Variants in DIAPH2 observed in about 807,000 individuals in gnomAD.
The protein encoded by DIAPH2 is protein diaphanous homolog 2.
A neutral mutation model predicts 92.7 loss-of-function variants in DIAPH2; 35 were observed. The observed-to-expected ratio is 0.38, with a 90% CI of 0.29 to 0.50. The LOEUF is 0.50. Ranked by LOEUF, DIAPH2 falls within the 20% of genes least tolerant of loss-of-function variation. DIAPH2 has a pLI of 0.94. For synonymous variants in DIAPH2, 301 were observed against 280.4 expected, an observed-to-expected ratio of 1.07 and a Z score of -0.73; for missense variants, 701 against 819.5, an observed-to-expected ratio of 0.86 and a Z score of 1.77.
At chrX:97,586,115 TA>T (rs1356607461) in intron 26 of DIAPH2, among the ~76,000 whole-genome samples, 1 of 111,877 alleles carries the variant, frequency 8.9e-6, no homozygotes, top group Non-Finnish European at 1.9e-5. Flanking sequence ...TACCATCTAT[TA>T]CCCAAATCTC....
chrX:96,891,467 C>T (rs2065306506), intron 5 of DIAPH2, among the ~76,000 whole-genome samples: 1 of 111,960 alleles, frequency 8.9e-6, no homozygotes, highest in African/African-American at 3.2e-5. Context: ...GATTTTTGTT[C>T]ATATCTCTTT....
intron 5 of DIAPH2, among the ~76,000 whole-genome samples, chrX:96,900,518 A>T (rs1391364816): frequency 9.0e-6 from 1 of 111,497 alleles, no homozygotes; most frequent in African/African-American, 3.3e-5. Flanking sequence ...TTAAATAGAA[A>T]TGGTGAAAGT....
chrX:96,817,447 C>A (rs1054012985), intron 4 of DIAPH2, among the ~76,000 whole-genome samples: 3 of 111,595 alleles, frequency 2.7e-5, no homozygotes, highest in Admixed American at 9.5e-5. Context: ...TTGTGAGTTT[C>A]CAAATCATCA....
intron 23 of DIAPH2, among the ~76,000 whole-genome samples, chrX:97,310,735 G>A (rs2068786518): frequency 9.0e-6 from 1 of 111,570 alleles, no homozygotes; most frequent in South Asian, 3.7e-4. Context: ...CGGGTGTGGT[G>A]GGGTGGCTCG....
At chrX:96,820,313 T>C (rs781108988) in intron 4 of DIAPH2, among the ~76,000 whole-genome samples, 14 of 110,973 alleles carry the variant, frequency 1.3e-4, no homozygotes, top group Non-Finnish European at 2.6e-4. Flanking sequence ...CTACTGAAAA[T>C]ACAGAAATTA....
At chrX:96,869,647 T>G (rs1309440349) in intron 4 of DIAPH2, among the ~76,000 whole-genome samples, 2 of 110,400 alleles carry the variant, frequency 1.8e-5, no homozygotes, top group Non-Finnish European at 3.8e-5. Flanking sequence ...TCAGACCTAG[T>G]GGCAGGTCTT....
intron 7 of DIAPH2, among the ~76,000 whole-genome samples, chrX:96,914,969 T>TA (rs1053681700): frequency 5.4e-5 from 6 of 111,152 alleles, no homozygotes; most frequent in African/African-American, 2.0e-4. Context: ...CAAAATGACT[T>TA]ACACATCAAA....
At chrX:97,476,984 T>TAA (rs1280074551) in intron 26 of DIAPH2, among the ~76,000 whole-genome samples, 1 of 57,070 alleles carries the variant, frequency 1.8e-5, no homozygotes, top group Admixed American at 2.4e-4. Flanking sequence ...TATATATATA[T>TAA]ACACACACAC....
intron 4 of DIAPH2, among the ~76,000 whole-genome samples, chrX:96,848,751 G>A (rs961163550): frequency 1.8e-4 from 20 of 112,245 alleles, no homozygotes; most frequent in African/African-American, 6.1e-4. Flanking sequence ...TTTCATGTCT[G>A]CATTACTGAT....
intron 22 of DIAPH2, among the ~76,000 whole-genome samples, chrX:97,222,431 T>C (rs1330462758): frequency 8.9e-6 from 1 of 111,942 alleles, no homozygotes; most frequent in Non-Finnish European, 1.9e-5. Context: ...CTCAAATTCC[T>C]GACCTCAGGT....
At chrX:96,805,657 C>CG (rs2064619054) in intron 4 of DIAPH2, among the ~76,000 whole-genome samples, 1 of 110,921 alleles carries the variant, frequency 9.0e-6, no homozygotes, top group African/African-American at 3.3e-5. Context: ...CATGCTGCCA[C>CG]GGGGTGGAGT....
intron 23 of DIAPH2, among the ~76,000 whole-genome samples, chrX:97,306,032 G>A (rs1436168998): frequency 1.1e-5 from 1 of 89,202 alleles, no homozygotes; most frequent in Non-Finnish European, 2.3e-5. Flanking sequence ...GAACATGATT[G>A]AATAGAAAGT....
chrX:97,604,962 A>G lies in DIAPH2; in HGVS notation c.*5645A>G, dbSNP rs1213532930. ...GACTTGCAATCTATATGTAATGGCT[A>G]CTTACTTATTCAATAAAGTTAAGAT... is the stretch of plus-strand genomic sequence containing the variant. On this transcript the variant is annotated 3_prime_UTR_variant, in exon 27 of 27. Coordinates refer to ENST00000324765, the MANE Select transcript of DIAPH2 (RefSeq NM_006729.5). 8.9e-6 allele frequency: 1 copy of G among 112,231 alleles called. No homozygotes were observed. Among genetic ancestry groups the G allele is most frequent in the Non-Finnish European group, 1.9e-5 (1 of 53,317 alleles). The allele number at this position is 112,231 out of a possible 1,213,427, so 9.2% of individuals were successfully genotyped here.
At chrX:97,441,077 CAA>C (rs2070251864) in intron 26 of DIAPH2, among the ~76,000 whole-genome samples, 2 of 111,547 alleles carry the variant, frequency 1.8e-5, no homozygotes, top group East Asian at 5.6e-4. Context: ...TGACCTTAGC[CAA>C]AAGAGTTTCA....
chrX:96,713,330 T>C lies in DIAPH2; in HGVS notation c.133-22428T>C, dbSNP rs188363740. 1.6e-3 allele frequency among the ~76,000 whole-genome samples: 177 copies of C among 111,266 alleles called. 1 individual carries two copies. Among genetic ancestry groups the C allele is most frequent in the African/African-American group, 5.6e-3 (172 of 30,614 alleles). On this transcript the variant is annotated intron_variant, in intron 1 of 26. Transcript: ENST00000324765. ...GTGTGTTAGTGTGTTTTATTTTTTT[T>C]AAGATGAACTCTATTTTTTACAGCA...
intron 22 of DIAPH2, among the ~76,000 whole-genome samples, chrX:97,161,158 G>C (rs763233009): frequency 9.5e-6 from 1 of 105,181 alleles, no homozygotes; most frequent in South Asian, 4.5e-4. Context: ...TGATCCGAAA[G>C]ACCTGGATTT....
At chrX:97,514,832 G>A (rs1298829538) in intron 26 of DIAPH2, among the ~76,000 whole-genome samples, 1 of 111,452 alleles carries the variant, frequency 9.0e-6, no homozygotes, top group African/African-American at 3.3e-5. Flanking sequence ...GGGGGTCAGA[G>A]GTCAGGGACC....
At chrX:97,453,696 T>A (rs2147795690) in intron 26 of DIAPH2, among the ~76,000 whole-genome samples, 1 of 111,722 alleles carries the variant, frequency 9.0e-6, no homozygotes, top group Non-Finnish European at 1.9e-5. Context: ...TGTGATTCAA[T>A]TTAAAATAAT....
intron 22 of DIAPH2, among the ~76,000 whole-genome samples, chrX:97,188,199 C>CA (rs974875240): frequency 9.0e-6 from 1 of 111,710 alleles, no homozygotes; most frequent in Non-Finnish European, 1.9e-5. Context: ...GGAGGATAAC[C>CA]AAAATCTGTG....
Sources: gnomAD v4.1 joint callset for allele counts (sites outside exome capture counted in the v4.1 genomes callset) on GRCh38, gnomAD v4.1.1 for gene constraint, MANE v1.5 for transcripts, NCBI Gene and HGNC (gene_info 2026-07-23, HGNC 2026-07-21) for gene names.